Variants in P3H1 observed in about 807,000 individuals in gnomAD.
P3H1 encodes prolyl 3-hydroxylase 1.
P3H1 carries 69 observed loss-of-function variants against 84.0 expected under a neutral mutation model. The observed-to-expected ratio is 0.82, with a 90% confidence interval of 0.68 to 1.00. The LOEUF is 1.00. P3H1 is among the 50% of genes least tolerant of loss of function. P3H1 has a pLI of 0.00. For synonymous variants in P3H1, 366 were observed against 388.8 expected, an observed-to-expected ratio of 0.94 and a Z score of 0.69; for missense variants, 878 against 962.8, an observed-to-expected ratio of 0.91 and a Z score of 1.17.
rs749230081 is a variant in P3H1 at position 42,747,253 on chromosome 1, C to T, written c.2055+19G>A. Reference sequence around the variant, plus strand: ...TCACCACAGCACCAGCTGCTCTCACCCGCTCGAGCTGCTCTCACCCGCTCG... The same window carrying T: ...TCACCACAGCACCAGCTGCTCTCACTCGCTCGAGCTGCTCTCACCCGCTCG... On this transcript the variant is annotated intron_variant, in intron 14 of 14. Transcript: ENST00000296388. 1.9e-6 allele frequency: 3 copies of T among 1,613,528 alleles called. No individual in the cohort carries two copies. The South Asian group carries it at 3.3e-5, about 18-fold the overall frequency.
At chr1:42,747,206 C>G (rs1384048641) in intron 14 of P3H1, 66 bp downstream of exon 14, 1 of 1,614,080 alleles carries the variant, frequency 6.2e-7, no homozygotes, top group African/African-American at 1.3e-5. Flanking sequence ...GAAAGGCAAA[C>G]CAAGGGCGCT....
intron 1 of P3H1, among the ~76,000 whole-genome samples, chr1:42,766,038 G>T (rs1257267288): frequency 1.4e-5 from 2 of 144,546 alleles, no homozygotes; most frequent in South Asian, 2.3e-4. Context: ...CACACAGAAA[G>T]GGCCAGGCAG....
At chr1:42,760,563 T>A (rs1652655266) in intron 2 of P3H1, 2 of 152,038 alleles carry the variant, frequency 1.3e-5, no homozygotes, top group African/African-American at 4.8e-5. Flanking sequence ...GCCAGGCTGG[T>A]CTTGAACTTC....
chr1:42,765,265 C>T (rs1652928407), intron 1 of P3H1, among the ~76,000 whole-genome samples: 1 of 152,174 alleles, frequency 6.6e-6, no homozygotes, highest in Admixed American at 6.5e-5. Flanking sequence ...TCTTTCCTCT[C>T]CCCCTGGCAA....
chr1:42,747,938 G>T, intron 12 of P3H1, 140 bp from the exon 13 acceptor site: 1 of 839,184 alleles, frequency 1.2e-6, no homozygotes, highest in Non-Finnish European at 2.0e-6. Flanking sequence ...TACTGATGCC[G>T]TACAAACTCC....
At position 42,766,899 on chromosome 1, in the gene P3H1, C is replaced by T. The variant is rs1486945423; in HGVS notation, c.73G>A (p.Glu25Lys). Residue 25 changes from glutamate to lysine, a missense_variant, in exon 1 of 15, where the codon GAG becomes AAG. By Grantham distance (56) the Glu-to-Lys change is moderately conservative. Coordinates refer to ENST00000296388, the MANE Select transcript of P3H1 (RefSeq NM_022356.4). ...ACCATGCCCCATCCTGCCTCGGACTCGACCTCGGCTTGGGAGGCAGCGGCC... is the reference window on the plus strand; with the variant it reads ...ACCATGCCCCATCCTGCCTCGGACTTGACCTCGGCTTGGGAGGCAGCGGCC... Reference protein sequence around the residue: ...VVAAASQAEVESEAGWGMVTP... With the variant: ...VVAAASQAEVKSEAGWGMVTP... 1 of 1,609,158 alleles carries T rather than the reference C, an allele frequency of 6.2e-7. No individual in the cohort carries two copies. The highest frequency in any genetic ancestry group is 8.5e-7 in the Non-Finnish European group (1 of 1,179,822).
At chr1:42,765,352 T>C (rs911010956) in intron 1 of P3H1, among the ~76,000 whole-genome samples, 3 of 152,220 alleles carry the variant, frequency 2.0e-5, no homozygotes, top group Non-Finnish European at 4.4e-5. Context: ...CTCCCTCCTT[T>C]GTGCTCCCGC....
At chr1:42,756,948 A>T (rs1652434854) in intron 5 of P3H1, among the ~76,000 whole-genome samples, 1 of 152,250 alleles carries the variant, frequency 6.6e-6, no homozygotes, top group Admixed American at 6.5e-5. Context: ...CCCCGCACAG[A>T]GCTTCGCCTG....
chr1:42,756,677 A>G (rs1259929142), intron 5 of P3H1, among the ~76,000 whole-genome samples: 1 of 152,200 alleles, frequency 6.6e-6, no homozygotes, highest in Non-Finnish European at 1.5e-5. Flanking sequence ...CAATGACCCT[A>G]TAAGGCTGCT....
chr1:42,758,192 A>G (rs1338147472), intron 4 of P3H1, among the ~76,000 whole-genome samples: 2 of 152,268 alleles, frequency 1.3e-5, no homozygotes, highest in African/African-American at 4.8e-5. Context: ...AATTCTCTGC[A>G]TGCCCACATC....
Position 42,766,585 on chromosome 1 carries a change from G to A in P3H1, c.387C>T (p.Ala129=), listed in dbSNP as rs1455025849. ...CLRRCLGPPA[A]HSLSEEMELE... ...GCTCCATCTCTTCGCTGAGCGAGTG[G>A]GCGGCCGGCGGCCCGAGGCAGCGGC... The change falls in exon 1 of 15, where the codon GCC becomes GCT. Residue 129 remains alanine (A), a synonymous_variant. Coordinates refer to ENST00000296388, the MANE Select transcript of P3H1 (RefSeq NM_022356.4). The A allele has an allele frequency of 6.2e-7, 1 of 1,610,410 alleles. No homozygotes were observed.
intron 12 of P3H1, 132 bp from the exon 13 acceptor site, chr1:42,747,930 C>T (rs1651822735): frequency 1.1e-6 from 1 of 875,828 alleles, no homozygotes; most frequent in Admixed American, 1.9e-5. Context: ...AGAACCTATA[C>T]TGATGCCGTA....
intron 12 of P3H1, 87 bp from the exon 13 acceptor site, chr1:42,747,885 C>G: frequency 1.5e-6 from 2 of 1,303,108 alleles, no homozygotes; most frequent in South Asian, 2.4e-5. Context: ...CAACCAGCAG[C>G]AGGAGGGTGG....
chr1:42,748,222 C>T lies in P3H1; in HGVS notation c.1816G>A (p.Ala606Thr). 1 of 1,613,804 alleles carries T rather than the reference C, an allele frequency of 6.2e-7. No individual in the cohort carries two copies. Among genetic ancestry groups the T allele is most frequent in the East Asian group, 2.2e-5 (1 of 44,866 alleles). Residue 606 changes from alanine (A) to threonine (T), a missense_variant, in exon 12 of 15, where the codon GCC becomes ACC. Coordinates refer to ENST00000296388, the MANE Select transcript of P3H1 (RefSeq NM_022356.4). ...ETLVCVKEPP[A>T]YTFRDYSAIL... ...CACCTGTAGTCGCGGAAGGTGTAGG[C>T]TGGGGGCTCTTTGACACACACGAGG...
chr1:42,750,739 GGGGC>G (rs1393029034), intron 10 of P3H1, among the ~76,000 whole-genome samples: 1 of 146,318 alleles, frequency 6.8e-6, no homozygotes, highest in African/African-American at 2.6e-5. Flanking sequence ...CGGGAGGTGA[GGGGC>G]GCCTCTGCCC....
At chr1:42,750,651 G>GGA (rs1217154391) in intron 10 of P3H1, among the ~76,000 whole-genome samples, 2 of 109,292 alleles carry the variant, frequency 1.8e-5, no homozygotes, top group African/African-American at 1.4e-4. Flanking sequence ...GAGGGAGGCC[G>GGA]GGGGGGGTGG....
chr1:42,752,977 C>T (rs1231919049), intron 8 of P3H1, among the ~76,000 whole-genome samples: 1 of 152,178 alleles, frequency 6.6e-6, no homozygotes, highest in Non-Finnish European at 1.5e-5. Context: ...ACTTTGACTC[C>T]TAGATCCTCC....
intron 11 of P3H1, chr1:42,748,519 G>A (rs1651859534): frequency 4.9e-6 from 3 of 615,826 alleles, no homozygotes; most frequent in Middle Eastern, 4.3e-4. Context: ...GCAGAAGTGA[G>A]CAGGGTGTGG....
chr1:42,758,936 G>C lies in P3H1; in HGVS notation c.856C>G (p.Leu286Val), dbSNP rs1295517713. 1.2e-6 allele frequency: 2 copies of C among 1,614,100 alleles called. No individual in the cohort carries two copies. Among genetic ancestry groups the C allele is most frequent in the Non-Finnish European group, 1.7e-6 (2 of 1,179,952 alleles). The change falls in exon 4 of 15, where the codon CTT becomes GTT. Residue 286 changes from leucine (L) to valine (V), a missense_variant. By Grantham distance (32) the Leu-to-Val change is conservative. Transcript: ENST00000296388. ...TTCTCTCGACTTGGGTGGGAAGCAAGCTCCGTGACACAGTTCTGCTTACAG... is the reference window on the plus strand; with the variant it reads ...TTCTCTCGACTTGGGTGGGAAGCAACCTCCGTGACACAGTTCTGCTTACAG... ...LNCKQNCVTE[L>V]ASHPSREKPF...
Sources: allele counts gnomAD v4.1 joint callset (sites outside exome capture counted in the v4.1 genomes callset), GRCh38; gene constraint gnomAD v4.1.1; transcripts MANE v1.5; gene names NCBI Gene and HGNC (gene_info 2026-07-23, HGNC 2026-07-21).